Variants in ATP6V1C1 observed in about 807,000 individuals in gnomAD.
ATP6V1C1 encodes V-type proton ATPase subunit C 1.
In ATP6V1C1, 45 loss-of-function variants were observed where a neutral mutation model predicts 53.9. The observed-to-expected ratio is 0.83, with a 90% confidence interval of 0.66 to 1.07. The LOEUF (loss-of-function observed/expected upper bound fraction) is 1.07, where lower values mean the gene tolerates loss of function less well. ATP6V1C1 is among the 50% of genes least tolerant of loss of function. The probability of loss-of-function intolerance (pLI) is 0.00; values close to 1 mark genes in which losing one functional copy is unlikely to be tolerated. For missense variants in ATP6V1C1, 315 were observed against 440.3 expected (o/e 0.72, Z 2.55); for synonymous variants, 153 against 155.2 (o/e 0.99, Z 0.11).
chr8:103,058,618 G>A (rs1381734402), intron 8 of ATP6V1C1, among the ~76,000 whole-genome samples: 1 of 152,092 alleles, frequency 6.6e-6, no homozygotes, highest in Non-Finnish European at 1.5e-5. Context: ...ATTACTTTTT[G>A]GTATGATAAC....
At chr8:103,049,863 G>C (rs919883486) in intron 4 of ATP6V1C1, among the ~76,000 whole-genome samples, 28 of 152,204 alleles carry the variant, frequency 1.8e-4, no homozygotes, top group African/African-American at 6.0e-4. Flanking sequence ...AGGCTGAGGA[G>C]GGGGGATTGC....
intron 10 of ATP6V1C1, among the ~76,000 whole-genome samples, chr8:103,063,858 A>G (rs1175822761): frequency 6.6e-6 from 1 of 152,208 alleles, no homozygotes. Flanking sequence ...TTAATAATGT[A>G]AGAGGAAATT....
chr8:103,032,512 C>T (rs1259110475), intron 1 of ATP6V1C1, among the ~76,000 whole-genome samples: 1 of 151,804 alleles, frequency 6.6e-6, no homozygotes, highest in Non-Finnish European at 1.5e-5. Context: ...TCTTTCTTTC[C>T]TCACTCTGCT....
chr8:103,052,411 A>G (rs985643088), intron 5 of ATP6V1C1, among the ~76,000 whole-genome samples: 1 of 152,152 alleles, frequency 6.6e-6, no homozygotes. Context: ...AGTCTTGTGA[A>G]TTGAAGCCTT....
At chr8:103,032,292 G>A (rs951819423) in intron 1 of ATP6V1C1, among the ~76,000 whole-genome samples, 7 of 152,208 alleles carry the variant, frequency 4.6e-5, no homozygotes, top group Non-Finnish European at 8.8e-5. Flanking sequence ...AGTCCGCATG[G>A]AAATGCATCA....
intron 1 of ATP6V1C1, among the ~76,000 whole-genome samples, chr8:103,040,379 AC>A (rs1209038279): frequency 6.6e-6 from 1 of 151,306 alleles, no homozygotes; most frequent in Admixed American, 6.6e-5. Context: ...ATGCCACTGT[AC>A]TCCAGCCTGG....
chr8:103,034,508 C>G (rs1355929292), intron 1 of ATP6V1C1, among the ~76,000 whole-genome samples: 1 of 151,788 alleles, frequency 6.6e-6, no homozygotes, highest in African/African-American at 2.4e-5. Flanking sequence ...CATACATATT[C>G]ATCTGCAAAG....
intron 1 of ATP6V1C1, among the ~76,000 whole-genome samples, chr8:103,037,784 GT>G (rs1468251899): frequency 6.6e-6 from 1 of 152,142 alleles, no homozygotes; most frequent in African/African-American, 2.4e-5. Context: ...GATTTAGCAA[GT>G]ATGAATATTT....
chr8:103,042,628 G>T (rs1174962294), intron 3 of ATP6V1C1, among the ~76,000 whole-genome samples: 1 of 152,082 alleles, frequency 6.6e-6, no homozygotes, highest in Admixed American at 6.6e-5. Flanking sequence ...TCTTTAATGG[G>T]ATATAGTTTA....
intron 1 of ATP6V1C1, among the ~76,000 whole-genome samples, chr8:103,037,270 C>T (rs1816915531): frequency 6.6e-6 from 1 of 152,116 alleles, no homozygotes; most frequent in Admixed American, 6.5e-5. Context: ...AACTCCCACA[C>T]TTGCAACATT....
At chr8:103,031,671 T>C (rs955699164) in intron 1 of ATP6V1C1, among the ~76,000 whole-genome samples, 1 of 152,118 alleles carries the variant, frequency 6.6e-6, no homozygotes, top group African/African-American at 2.4e-5. Context: ...GCTCCAACAT[T>C]GGGGTTTATT....
intron 1 of ATP6V1C1, among the ~76,000 whole-genome samples, chr8:103,026,708 G>T (rs1426463000): frequency 6.6e-6 from 1 of 152,156 alleles, no homozygotes; most frequent in Non-Finnish European, 1.5e-5. Flanking sequence ...GGCTACTCAG[G>T]AGGCTGAGGC....
At chr8:103,064,581 A>C (rs1313904735) in intron 10 of ATP6V1C1, 133 bp from the exon 11 acceptor site, 5 of 661,882 alleles carry the variant, frequency 7.6e-6, no homozygotes, top group Non-Finnish European at 1.2e-5. Context: ...ATAATAGTGA[A>C]ACATGTAGAA....
chr8:103,038,401 A>G (rs1816936839), intron 1 of ATP6V1C1, among the ~76,000 whole-genome samples: 1 of 152,110 alleles, frequency 6.6e-6, no homozygotes, highest in Non-Finnish European at 1.5e-5. Context: ...GGCCAGCTCC[A>G]CCTTTTGATG....
At chr8:103,021,457 A>C (rs1236743853) in intron 1 of ATP6V1C1, 1 of 152,298 alleles carries the variant, frequency 6.6e-6, no homozygotes, top group Non-Finnish European at 1.5e-5. Flanking sequence ...TCTCGTGGGT[A>C]GTTAATGACA....
At chr8:103,057,185 CT>C (rs1433595691) in intron 8 of ATP6V1C1, among the ~76,000 whole-genome samples, 1 of 152,230 alleles carries the variant, frequency 6.6e-6, no homozygotes, top group Non-Finnish European at 1.5e-5. Context: ...ACAGAATCTT[CT>C]TGGGTCCAAA....
intron 4 of ATP6V1C1, 99 bp downstream of exon 4, chr8:103,049,054 C>A (rs369444326): frequency 1.2e-5 from 13 of 1,058,706 alleles, no homozygotes; most frequent in Non-Finnish European, 1.8e-5. Context: ...CAGAAAAGGA[C>A]ACTAAATACA....
At chr8:103,043,519 G>T (rs1431990754) in intron 3 of ATP6V1C1, among the ~76,000 whole-genome samples, 1 of 150,674 alleles carries the variant, frequency 6.6e-6, no homozygotes, top group Non-Finnish European at 1.5e-5. Flanking sequence ...TTTTAGTAGA[G>T]ACGGGGTTTC....
In ATP6V1C1 at chr8:103,022,232, G is replaced by A. The variant is rs143121474; in HGVS notation, c.-40+1007G>A. On this transcript the variant is annotated intron_variant, in intron 1 of 12. Transcript: ENST00000518738. ...CCCTCAGGATTTGAACAGGTTGAGA[G>A]AAATGGGGATAATTTTACAGGCAGG... Among the ~76,000 whole-genome samples the A allele has an allele frequency of 7.1e-4, 108 of 152,276 alleles. 1 individual carries two copies. Among genetic ancestry groups the A allele is most frequent in the African/African-American group, 2.5e-3 (102 of 41,558 alleles).
Sources: allele counts gnomAD v4.1 joint callset (sites outside exome capture counted in the v4.1 genomes callset), GRCh38; gene constraint gnomAD v4.1.1; transcripts MANE v1.5; gene names NCBI Gene and HGNC (gene_info 2026-07-23, HGNC 2026-07-21).